Variants in ATOH8 observed in about 807,000 individuals in gnomAD.
ATOH8 encodes the protein transcription factor ATOH8.
In ATOH8, 9 loss-of-function variants were observed where a neutral mutation model predicts 21.2. That is an observed-to-expected ratio of 0.42 (90% CI 0.26 to 0.74). The LOEUF (loss-of-function observed/expected upper bound fraction) is 0.74, where lower values mean the gene tolerates loss of function less well. Ranked by LOEUF, ATOH8 falls within the 30% of genes least tolerant of loss-of-function variation. ATOH8 has a pLI of 0.24. For synonymous variants in ATOH8, 253 were observed against 224.0 expected, an observed-to-expected ratio of 1.13 and a Z score of -1.16; for missense variants, 524 against 470.9, an observed-to-expected ratio of 1.11 and a Z score of -1.04.
At chr2:85,755,286 G>A (rs531747089) in intron 1 of ATOH8, among the ~76,000 whole-genome samples, 1 of 152,352 alleles carries the variant, frequency 6.6e-6, no homozygotes, top group East Asian at 1.9e-4. Context: ...GCGCGGTGCG[G>A]AGTGGAGAGG....
At chr2:85,781,424 G>A (rs904354487) in intron 2 of ATOH8, among the ~76,000 whole-genome samples, 3 of 151,862 alleles carry the variant, frequency 2.0e-5, no homozygotes, top group Non-Finnish European at 4.4e-5. Context: ...AAAATTAACC[G>A]GGTGTGATTA....
At chr2:85,771,174 T>A (rs1224849967) in intron 2 of ATOH8, among the ~76,000 whole-genome samples, 2 of 152,196 alleles carry the variant, frequency 1.3e-5, no homozygotes, top group Non-Finnish European at 2.9e-5. Context: ...ACGCACGCTA[T>A]GGCGGCCCTC....
chr2:85,781,058 C>T (rs1047887160), intron 2 of ATOH8: 22 of 987,964 alleles, frequency 2.2e-5, no homozygotes, highest in Non-Finnish European at 2.7e-5. Flanking sequence ...GATGTGAAAG[C>T]AGATCTGTCA....
At chr2:85,755,082 G>C (rs1470137433) in intron 1 of ATOH8, 125 bp downstream of exon 1, 14 of 1,314,432 alleles carry the variant, frequency 1.1e-5, no homozygotes, top group Non-Finnish European at 1.4e-5. Context: ...TCCGACCCTG[G>C]TGCCCAGACA....
Position 85,789,163 on chromosome 2 carries a change from G to T in ATOH8, c.*2273G>T, listed in dbSNP as rs971699917. 1.3e-5 allele frequency among the ~76,000 whole-genome samples: 2 copies of T among 152,112 alleles called. No homozygotes were observed. Among genetic ancestry groups the T allele is most frequent in the South Asian group, 4.1e-4 (2 of 4,824 alleles). On this transcript the variant is annotated 3_prime_UTR_variant, in exon 3 of 3. Transcript: ENST00000306279. ...CTGCTGCCAAGGGAGCAAACCCATG[G>T]CCTTACCACCCAGAAAGAGCCCATC... is the stretch of plus-strand genomic sequence containing the variant.
chr2:85,763,503 C>G (rs1679922757), intron 1 of ATOH8, among the ~76,000 whole-genome samples: 1 of 152,118 alleles, frequency 6.6e-6, no homozygotes, highest in Non-Finnish European at 1.5e-5. Context: ...CCCCAGAGTC[C>G]CAGGTGTGAC....
chr2:85,786,957 G>A lies in ATOH8; in HGVS notation c.*67G>A. On this transcript the variant is annotated 3_prime_UTR_variant, in exon 3 of 3. Coordinates refer to ENST00000306279, the MANE Select transcript of ATOH8 (RefSeq NM_032827.7). ...TTCCAGTCAGGCCTGAGGACAAGGT[G>A]AGCTCGCTGAGTCCAGCCTCGTGGT... The A allele has an allele frequency of 1.2e-6, 2 of 1,608,084 alleles. No homozygotes were observed. The highest frequency in any genetic ancestry group is 1.7e-6 in the Non-Finnish European group (2 of 1,175,048).
chr2:85,783,531 GCGCTC>G lies in ATOH8; in HGVS notation c.961-3352_961-3348del, dbSNP rs1680550409. The G allele has an allele frequency of 2.0e-5, 3 of 152,756 alleles. No individual in the cohort carries two copies. In the East Asian group the frequency reaches 5.8e-4, roughly 30 times the overall value. The allele number at this position is 152,756 out of a possible 1,614,324, so 9.5% of individuals were successfully genotyped here. On this transcript the variant is annotated intron_variant, in intron 2 of 2. Coordinates refer to ENST00000306279, the MANE Select transcript of ATOH8 (RefSeq NM_032827.7). ...TGCAGTGAGCCGAGATCGTGCCATT[GCGCTC>G]CAGCCTGGGCAACAAGAGTGAAACT...
At chr2:85,762,338 C>T (rs1289607221) in intron 1 of ATOH8, among the ~76,000 whole-genome samples, 6 of 152,244 alleles carry the variant, frequency 3.9e-5, no homozygotes, top group Non-Finnish European at 7.3e-5. Flanking sequence ...GCTTCATCTT[C>T]ATCATCAGAG....
chr2:85,783,971 C>T lies in ATOH8; in HGVS notation c.961-2914C>T, dbSNP rs569255110. On this transcript the variant is annotated intron_variant, in intron 2 of 2. Coordinates refer to ENST00000306279, the MANE Select transcript of ATOH8 (RefSeq NM_032827.7). Reference sequence around the variant, plus strand: ...ATCAGACCTAGGCTAGACCAATGGGCGTCCTCCACTGGGTCTTGGGGATTG... The same window carrying T: ...ATCAGACCTAGGCTAGACCAATGGGTGTCCTCCACTGGGTCTTGGGGATTG... Among the ~76,000 whole-genome samples, 8 of 152,202 alleles carry T rather than the reference C, an allele frequency of 5.3e-5. No individual in the cohort carries two copies. In the South Asian group the frequency reaches 6.2e-4, roughly 12 times the overall value.
At position 85,754,701 on chromosome 2, in the gene ATOH8, C is replaced by T. The variant is rs1274831391; in HGVS notation, c.512C>T (p.Pro171Leu). ...CCCGCGCCGTCAGCACCCCCAGCAC[C>T]GCCAGCGCCCCCGGAGTCCACTGTG... is the stretch of plus-strand genomic sequence containing the variant. ...ARPAPSAPPAPPAPPESTVRP... is the reference protein window; with the variant it reads ...ARPAPSAPPALPAPPESTVRP... Residue 171 changes from proline (P) to leucine (L), a missense_variant, in exon 1 of 3, where the codon CCG (proline) becomes CTG (leucine). Transcript: ENST00000306279. 1 of 1,607,934 alleles carries T rather than the reference C, an allele frequency of 6.2e-7. No individual in the cohort carries two copies.
At chr2:85,771,987 G>A (rs969315310) in intron 2 of ATOH8, among the ~76,000 whole-genome samples, 1 of 152,250 alleles carries the variant, frequency 6.6e-6, no homozygotes, top group Non-Finnish European at 1.5e-5. Flanking sequence ...CAGTCCTGAG[G>A]CCAGCCCGCT....
chr2:85,756,707 C>T (rs1267312062), intron 1 of ATOH8, among the ~76,000 whole-genome samples: 1 of 152,244 alleles, frequency 6.6e-6, no homozygotes. Context: ...AACACTGAGG[C>T]CCAGAGATGG....
At chr2:85,780,844 C>T (rs950739462) in intron 2 of ATOH8, 1 of 980,634 alleles carries the variant, frequency 1.0e-6, no homozygotes, top group African/African-American at 1.8e-5. Context: ...ATGCCATGTT[C>T]CCGCCCCCCG....
Position 85,791,012 on chromosome 2 carries a change from C to T in ATOH8, c.*4122C>T, listed in dbSNP as rs143567395. The stretch of plus-strand genomic sequence containing the variant: ...CTCTCTTGCTGCCCTGCCACCTTCA[C>T]AGCTGCTTTCTGTTTCCTGGTTCCA... On this transcript the variant is annotated 3_prime_UTR_variant, in exon 3 of 3. Transcript: ENST00000306279. Among the ~76,000 whole-genome samples the T allele has an allele frequency of 3.9e-4, 60 of 152,350 alleles. 1 individual carries two copies. The East Asian group carries it at 0.01, about 26-fold the overall frequency.
intron 2 of ATOH8, among the ~76,000 whole-genome samples, chr2:85,779,609 G>T (rs1254818794): frequency 6.6e-6 from 1 of 152,236 alleles, no homozygotes; most frequent in Admixed American, 6.5e-5. Flanking sequence ...ACAGCTGGCT[G>T]GATGGCTTGG....
Position 85,754,152 on chromosome 2 carries a change from G to A in ATOH8, c.-38G>A, listed in dbSNP as rs1199062024. ...CGGCGCTGAGCGCGGCGGCGGCCCG[G>A]GCAGCCCCACGCCCCTGCCTCGCGC... On this transcript the variant is annotated 5_prime_UTR_variant, in exon 1 of 3. Transcript: ENST00000306279. The A allele has an allele frequency of 2.8e-6, 4 of 1,449,382 alleles. No individual in the cohort carries two copies. The highest frequency in any genetic ancestry group is 3.6e-6 in the Non-Finnish European group (4 of 1,109,604). The allele number at this position is 1,449,382 out of a possible 1,614,324, so 89.8% of individuals were successfully genotyped here.
At position 85,754,604 on chromosome 2, in the gene ATOH8, G is replaced by C. The variant is rs1158129817; in HGVS notation, c.415G>C (p.Gly139Arg). 8 of 1,482,858 alleles carry C rather than the reference G, an allele frequency of 5.4e-6. No homozygotes were observed. In the East Asian group the frequency reaches 2.2e-4, roughly 40 times the overall value. 91.9% of individuals were successfully genotyped at this position (1,482,858 alleles called of 1,614,324 possible). A position where few individuals can be genotyped will look rare whatever the true frequency, so the allele number is the denominator to read the frequency against. ...PPAPQSQAPG[G>R]PEAQPFREPG... ...TGCGCCCCAGAGCCAGGCACCTGGG[G>C]GCCCAGAGGCACAGCCTTTCCGGGA... is the stretch of plus-strand genomic sequence containing the variant. Residue 139 changes from glycine to arginine, a missense_variant, in exon 1 of 3, where the codon GGC becomes CGC. By Grantham distance (125) the Gly-to-Arg change is moderately radical. Coordinates refer to ENST00000306279, the MANE Select transcript of ATOH8 (RefSeq NM_032827.7).
rs78796239 is a variant in ATOH8, at chr2:85,763,047, C to T, written c.769-944C>T. ...ACGTGTAGATCCTCAAGAGCCATAG[C>T]GAGGAGTAAACCAGGAGCCATCGTT... On this transcript the variant is annotated intron_variant, in intron 1 of 2. Coordinates refer to ENST00000306279, the MANE Select transcript of ATOH8 (RefSeq NM_032827.7). Among the ~76,000 whole-genome samples the T allele has an allele frequency of 0.011, 1,445 of 132,756 alleles. 158 individuals carry two copies. In the East Asian group the frequency reaches 0.26, roughly 24 times the overall value. The allele number at this position is 132,756 out of a possible 152,430, so 87.1% of individuals were successfully genotyped here.
Sources: allele counts gnomAD v4.1 joint callset (sites outside exome capture counted in the v4.1 genomes callset), GRCh38; gene constraint gnomAD v4.1.1; transcripts MANE v1.5; gene names NCBI Gene and HGNC (gene_info 2026-07-23, HGNC 2026-07-21).